TMEM232: variants seen among roughly 807,000 people sequenced by gnomAD.
TMEM232 encodes the protein transmembrane protein 232.
Under a neutral mutation model 78.8 loss-of-function variants are expected in TMEM232, and 80 were observed. The ratio of observed to expected loss-of-function variants is 1.01; its 90% CI spans 0.85 to 1.22. The LOEUF (loss-of-function observed/expected upper bound fraction) is 1.22, where lower values mean the gene tolerates loss of function less well. Ranked by LOEUF, TMEM232 falls within the 50% of genes most tolerant of loss-of-function variation. TMEM232 has a pLI of 0.00. For missense variants in TMEM232, 881 were observed against 742.2 expected (o/e 1.19, Z -2.17); for synonymous variants, 297 against 254.3 (o/e 1.17, Z -1.60).
chr5:110,406,463 A>C (rs1755798417), intron 2 of TMEM232, among the ~76,000 whole-genome samples: 1 of 152,048 alleles, frequency 6.6e-6, no homozygotes, highest in African/African-American at 2.4e-5. Flanking sequence ...ATAAATATCC[A>C]ATTACTGATT....
rs1291905368 is a variant in TMEM232, at chr5:110,568,546, T to C, written c.1356A>G (p.Glu452=). Residue 452 remains glutamate, a synonymous_variant, in exon 11 of 14, where the codon GAA becomes GAG. Coordinates refer to ENST00000455884, the MANE Select transcript of TMEM232 (RefSeq NM_001039763.4). The part of the protein sequence containing the change: ...VKISWELQGD[E]EQDGLRNMIW... ...TCATGTTTCTAAGTCCATCCTGTTCTTCGTCTCCTTGAAGTTCCCATGAAA... is the reference window on the plus strand; with the variant it reads ...TCATGTTTCTAAGTCCATCCTGTTCCTCGTCTCCTTGAAGTTCCCATGAAA... 6.5e-7 allele frequency: 1 copy of C among 1,549,844 alleles called. No individual in the cohort carries two copies. The highest frequency in any genetic ancestry group is 1.2e-5 in the South Asian group (1 of 83,992).
At chr5:110,612,198 G>C (rs1216897212) in intron 8 of TMEM232, among the ~76,000 whole-genome samples, 1 of 152,106 alleles carries the variant, frequency 6.6e-6, no homozygotes, top group African/African-American at 2.4e-5. Flanking sequence ...GGTTCATAGG[G>C]GTTAAGCAAC....
chr5:110,618,188 T>A (rs548061926), intron 8 of TMEM232, among the ~76,000 whole-genome samples: 65 of 147,800 alleles, frequency 4.4e-4, no homozygotes, highest in Middle Eastern at 3.5e-3. Context: ...CTGCATTTAA[T>A]AAAAAAAAAA....
intron 1 of TMEM232, among the ~76,000 whole-genome samples, chr5:110,707,519 G>A (rs1796045777): frequency 6.6e-6 from 1 of 152,180 alleles, no homozygotes. Flanking sequence ...GAGTTTCTTG[G>A]CAAGCCTTGG....
intron 12 of TMEM232, among the ~76,000 whole-genome samples, chr5:110,466,444 C>G (rs1309519032): frequency 1.3e-5 from 2 of 152,210 alleles, no homozygotes; most frequent in Non-Finnish European, 2.9e-5. Flanking sequence ...CTTTTCTATG[C>G]TTCCTCTACC....
intron 12 of TMEM232, among the ~76,000 whole-genome samples, chr5:110,504,845 A>G (rs753520457): frequency 1.3e-5 from 2 of 152,230 alleles, no homozygotes; most frequent in African/African-American, 4.8e-5. Flanking sequence ...AGACACACCC[A>G]TAGTAATGTT....
At chr5:110,520,872 C>T (rs1335512524) in intron 12 of TMEM232, among the ~76,000 whole-genome samples, 3 of 152,044 alleles carry the variant, frequency 2.0e-5, no homozygotes, top group African/African-American at 7.2e-5. Context: ...AAGCCAAGAT[C>T]GCACCATTGC....
intron 12 of TMEM232, among the ~76,000 whole-genome samples, chr5:110,463,196 C>T (rs1210105720): frequency 6.6e-6 from 1 of 152,154 alleles, no homozygotes; most frequent in Non-Finnish European, 1.5e-5. Flanking sequence ...TCTTCAACAA[C>T]CACAACCCTG....
intron 5 of TMEM232, among the ~76,000 whole-genome samples, chr5:110,629,699 G>C (rs1389226716): frequency 6.6e-6 from 1 of 151,784 alleles, no homozygotes; most frequent in African/African-American, 2.4e-5. Flanking sequence ...TTGAAGGCTG[G>C]ATAATATTTA....
chr5:110,667,847 T>A (rs1350892717), intron 1 of TMEM232: 1 of 152,312 alleles, frequency 6.6e-6, no homozygotes, highest in South Asian at 2.1e-4. Context: ...AAGTTTCTTG[T>A]AAATTCCTTT....
intron 5 of TMEM232, among the ~76,000 whole-genome samples, chr5:110,634,285 T>C (rs1312232809): frequency 6.6e-6 from 1 of 152,114 alleles, no homozygotes. Flanking sequence ...TAAGACATAT[T>C]ATTTAGATAG....
intron 1 of TMEM232, among the ~76,000 whole-genome samples, chr5:110,709,491 T>C (rs1242664238): frequency 6.6e-6 from 1 of 151,972 alleles, no homozygotes; most frequent in Admixed American, 6.6e-5. Context: ...GGTCACAGAA[T>C]TGGGTCCAAA....
intron 12 of TMEM232, among the ~76,000 whole-genome samples, chr5:110,477,259 C>G (rs1763352509): frequency 6.6e-6 from 1 of 151,912 alleles, no homozygotes; most frequent in Non-Finnish European, 1.5e-5. Context: ...GATGGTTGCA[C>G]TTCCATAAAA....
chr5:110,675,226 G>A (rs1015857778), intron 1 of TMEM232, among the ~76,000 whole-genome samples: 5 of 151,850 alleles, frequency 3.3e-5, no homozygotes, highest in Admixed American at 1.3e-4. Context: ...TTTATTTTTA[G>A]TAGAGACGGG....
chr5:110,584,991 T>C (rs1778642901), intron 10 of TMEM232, among the ~76,000 whole-genome samples: 1 of 152,134 alleles, frequency 6.6e-6, no homozygotes, highest in African/African-American at 2.4e-5. Context: ...TTCTGGTTCA[T>C]GGGTCTTTTC....
At chr5:110,615,988 T>C (rs1782878768) in intron 8 of TMEM232, among the ~76,000 whole-genome samples, 1 of 151,936 alleles carries the variant, frequency 6.6e-6, no homozygotes, top group South Asian at 2.1e-4. Flanking sequence ...TGATAAAATG[T>C]CCATACTACC....
chr5:110,628,908 A>C (rs1419641013), intron 5 of TMEM232: 1 of 152,096 alleles, frequency 6.6e-6, no homozygotes, highest in African/African-American at 2.4e-5. Flanking sequence ...GTGATTTCCA[A>C]ATATTTTTTA....
chr5:110,515,038 C>T (rs1415981405), intron 12 of TMEM232, among the ~76,000 whole-genome samples: 1 of 152,176 alleles, frequency 6.6e-6, no homozygotes, highest in Non-Finnish European at 1.5e-5. Context: ...GAAAACAGCA[C>T]AGTGAACACA....
Position 110,470,824 on chromosome 5 carries a change from A to C in TMEM232, c.1704-45908T>G, listed in dbSNP as rs190574560. Among the ~76,000 whole-genome samples the C allele has an allele frequency of 2.0e-5, 3 of 152,362 alleles. No homozygotes were observed. In the East Asian group the frequency reaches 5.8e-4, roughly 29 times the overall value. On this transcript the variant is annotated intron_variant, in intron 12 of 13. Transcript: ENST00000455884. The stretch of plus-strand genomic sequence containing the variant: ...AGACATCAACACAGAGACACAAAAA[A>C]GCAATGAAAAATCAAGAAAATCTGA...
Sources: allele counts gnomAD v4.1 joint callset (sites outside exome capture counted in the v4.1 genomes callset), GRCh38; gene constraint gnomAD v4.1.1; transcripts MANE v1.5; gene names NCBI Gene and HGNC (gene_info 2026-07-23, HGNC 2026-07-21).